Variants in BTN2A1 observed in about 807,000 individuals in gnomAD.
BTN2A1 encodes butyrophilin subfamily 2 member A1, also known as butyrophilin, subfamily 2, member A1.
A neutral mutation model predicts 34.5 loss-of-function variants in BTN2A1; 41 were observed. That is an observed-to-expected ratio of 1.19 (90% CI 0.93 to 1.54). The LOEUF is 1.54. Ranked by LOEUF, BTN2A1 falls within the 40% of genes most tolerant of loss-of-function variation. The pLI is 0.00. For missense variants in BTN2A1, 642 were observed against 662.0 expected (o/e 0.97, Z 0.33); for synonymous variants, 267 against 258.6 (o/e 1.03, Z -0.31).
Position 26,459,586 on chromosome 6 carries a change from A to G in BTN2A1, c.188A>G (p.Glu63Gly). ...LSPEKNAEDM[E>G]VRWFRSQFSP... is the part of the protein sequence containing the mutation. ...CCCGAGAAAAATGCTGAGGACATGG[A>G]GGTGCGGTGGTTCCGGTCTCAGTTC... Residue 63 changes from glutamate to glycine, a missense_variant, in exon 3 of 8, where the codon GAG (glutamate) becomes GGG (glycine). Glu to Gly is a moderately conservative substitution (Grantham distance 98). Transcript: ENST00000312541. 6.2e-7 allele frequency: 1 copy of G among 1,613,888 alleles called. No homozygotes were observed. The highest frequency in any genetic ancestry group is 2.2e-5 in the East Asian group (1 of 44,866).
rs763157667 is a variant in BTN2A1 at position 26,463,425 on chromosome 6, C to T, written c.612C>T (p.Thr204=). 14 of 1,613,988 alleles carry T rather than the reference C, an allele frequency of 8.7e-6. No homozygotes were observed. Among genetic ancestry groups the T allele is most frequent in the Admixed American group, 1.7e-5 (1 of 60,004 alleles). ...ATGCAGACGGCCTCTTCATGGTCAC[C>T]ACGGCTGTGATCATCAGAGACAAGT... is the stretch of plus-strand genomic sequence containing the variant. ...MPDADGLFMV[T]TAVIIRDKSV... is the part of the protein sequence containing the mutation. Residue 204 remains threonine (T), a synonymous_variant, in exon 4 of 8, where the codon ACC becomes ACT. Coordinates refer to ENST00000312541, the MANE Select transcript of BTN2A1 (RefSeq NM_007049.5).
In BTN2A1 at chr6:26,465,190, T is replaced by A. The variant is rs761919187; in HGVS notation, c.718T>A (p.Phe240Ile). 6.2e-7 allele frequency: 1 copy of A among 1,613,934 alleles called. No individual in the cohort carries two copies. Among genetic ancestry groups the A allele is most frequent in the Non-Finnish European group, 8.5e-7 (1 of 1,179,762 alleles). ...KESVIFIPES[F>I]MPSVSPCAVA... ...ATTTCTGGCTGCCTTTTCAGAATCCTTTATGCCCAGTGTGTCTCCCTGTGC... is the reference window on the plus strand; with the variant it reads ...ATTTCTGGCTGCCTTTTCAGAATCCATTATGCCCAGTGTGTCTCCCTGTGC... Residue 240 changes from phenylalanine to isoleucine, a missense_variant, in exon 5 of 8, where the codon TTT (phenylalanine) becomes ATT (isoleucine). By Grantham distance (21) the Phe-to-Ile change is conservative (BLOSUM62 0). Transcript: ENST00000312541.
At chr6:26,465,736 A>G (rs891101445) in intron 5 of BTN2A1, 2 of 814,762 alleles carry the variant, frequency 2.5e-6, no homozygotes, top group Non-Finnish European at 3.0e-6. Flanking sequence ...CTGGCTACAT[A>G]AAGTACTAAA....
intron 7 of BTN2A1, among the ~76,000 whole-genome samples, 196 bp downstream of exon 7, chr6:26,466,284 CCT>C (rs1195295090): frequency 3.3e-5 from 5 of 152,170 alleles, no homozygotes; most frequent in Non-Finnish European, 5.9e-5. Flanking sequence ...CTCAATCCAC[CCT>C]ATGGTTTACA....
At position 26,468,816 on chromosome 6, in the gene BTN2A1, GA is replaced by G; in HGVS notation, c.*270del. 6.4e-7 allele frequency: 1 copy of G among 1,560,276 alleles called. No homozygotes were observed. The highest frequency in any genetic ancestry group is 1.1e-5 in the South Asian group (1 of 89,468). On this transcript the variant is annotated 3_prime_UTR_variant, in exon 8 of 8. Transcript: ENST00000312541. ...TTGTTACACAGCTCCCAGCCAAGAA[GA>G]AAGTGTGAGAAGTTGATGGGCAGCA...
chr6:26,467,157 T>C (rs1012373312), intron 7 of BTN2A1, among the ~76,000 whole-genome samples: 1 of 152,222 alleles, frequency 6.6e-6, no homozygotes, highest in Non-Finnish European at 1.5e-5. Context: ...GAAGAGACCC[T>C]TTATCCTCCA....
chr6:26,469,939 G>A (rs1410145911), downstream of BTN2A1, among the ~76,000 whole-genome samples: 1 of 152,090 alleles, frequency 6.6e-6, no homozygotes, highest in Non-Finnish European at 1.5e-5. Flanking sequence ...TGCTTCAGGA[G>A]ACTAAAAAGA....
Position 26,465,169 on chromosome 6 carries a change from C to CA in BTN2A1, c.713-16_713-15insA. 1 of 1,608,010 alleles carries CA rather than the reference C, an allele frequency of 6.2e-7. No individual in the cohort carries two copies. The highest frequency in any genetic ancestry group is 2.2e-5 in the East Asian group (1 of 44,850). On this transcript the variant is annotated splice_polypyrimidine_tract_variant and intron_variant, in intron 4 of 7. Coordinates refer to ENST00000312541, the MANE Select transcript of BTN2A1 (RefSeq NM_007049.5). ...TCTGTTTCAAACTAAGTGGATATTT[C>CA]TGGCTGCCTTTTCAGAATCCTTTAT...
At chr6:26,471,677 A>G (rs556101128), downstream of BTN2A1, among the ~76,000 whole-genome samples, 1 of 152,312 alleles carries the variant, frequency 6.6e-6, no homozygotes, top group African/African-American at 2.4e-5. Context: ...GAAGGAAGGA[A>G]GGAAGGAAGG....
intron 7 of BTN2A1, chr6:26,467,719 A>C (rs772395129): frequency 6.3e-7 from 1 of 1,591,340 alleles, no homozygotes; most frequent in South Asian, 1.1e-5. Flanking sequence ...GATTTCTTAG[A>C]GCTCCAATTC....
Position 26,459,653 on chromosome 6 carries a change from AGAG to A in BTN2A1, c.259_261del (p.Glu87del). 1 of 1,614,170 alleles carries A rather than the reference AGAG, an allele frequency of 6.2e-7. No homozygotes were observed. Among genetic ancestry groups the A allele is most frequent in the Non-Finnish European group, 8.5e-7 (1 of 1,180,016 alleles). ...TGTATAAAGGTGGCAGAGAGAGAAC[AGAG>A]GAGCAGATGGAGGAGTACCGAGGAA... is the stretch of plus-strand genomic sequence containing the variant. On this transcript the variant is annotated inframe_deletion, in exon 3 of 8. Transcript: ENST00000312541.
At position 26,469,330 on chromosome 6, in the gene BTN2A1, A is replaced by G. The variant is rs1463324686; in HGVS notation, c.*781A>G. 6 of 986,392 alleles carry G rather than the reference A, an allele frequency of 6.1e-6. No individual in the cohort carries two copies. In the African/African-American group the frequency reaches 1.0e-4, roughly 17 times the overall value. 61.1% of individuals were successfully genotyped at this position (986,392 alleles called of 1,614,324 possible). A position where few individuals can be genotyped will look rare whatever the true frequency, so the allele number is the denominator to read the frequency against. Reference sequence around the variant, plus strand: ...CTCAGTATTCAAGTTCAGTGGGGACACCAGTGGCTTCAAACTTCCTGGTTT... The same window carrying G: ...CTCAGTATTCAAGTTCAGTGGGGACGCCAGTGGCTTCAAACTTCCTGGTTT... On this transcript the variant is annotated 3_prime_UTR_variant, in exon 8 of 8. Transcript: ENST00000312541.
At chr6:26,462,807 A>G (rs1208453381) in intron 3 of BTN2A1, 1 of 1,286,936 alleles carries the variant, frequency 7.8e-7, no homozygotes, top group South Asian at 1.2e-5. Flanking sequence ...AGCTTCTGGA[A>G]GCTGAGGTCT....
downstream of BTN2A1, among the ~76,000 whole-genome samples, chr6:26,470,288 A>G (rs1763425268): frequency 6.6e-6 from 1 of 152,174 alleles, no homozygotes; most frequent in Non-Finnish European, 1.5e-5. Flanking sequence ...TGGAGGTTGC[A>G]GTGAGCCAAG....
rs1763536908 is a variant in BTN2A1 at position 26,476,266 on chromosome 6, ACTGCT to A, written c.*135_*139del. The A allele has an allele frequency of 3.1e-6, 4 of 1,270,874 alleles. No individual in the cohort carries two copies. The Admixed American group carries it at 7.9e-5, about 25-fold the overall frequency. 78.7% of individuals were successfully genotyped at this position (1,270,874 alleles called of 1,614,324 possible). On this transcript the variant is annotated 3_prime_UTR_variant, in exon 8 of 8. Coordinates refer to the BTN2A1 transcript ENST00000469185. ...ACCAGAGCACTCCAAGTTGGAAAGA[ACTGCT>A]GAGCGGGTCTGTAGAGCCCATCGCT... is the stretch of plus-strand genomic sequence containing the variant.
At position 26,458,501 on chromosome 6, in the gene BTN2A1, C is replaced by G. The variant is rs1408420301; in HGVS notation, c.-30-106C>G. On this transcript the variant is annotated intron_variant, in intron 1 of 7. Transcript: ENST00000312541. Reference sequence around the variant, plus strand: ...TGAGCCTTCGGATGCAGGGGACTCCCTGAAGTTGGGGCACTGATGAGACCT... The same window carrying G: ...TGAGCCTTCGGATGCAGGGGACTCCGTGAAGTTGGGGCACTGATGAGACCT... The G allele has an allele frequency of 4.6e-6, 4 of 872,656 alleles. No homozygotes were observed. The African/African-American group carries it at 6.6e-5, about 14-fold the overall frequency. 54.1% of individuals were successfully genotyped at this position (872,656 alleles called of 1,614,324 possible). A position where few individuals can be genotyped will look rare whatever the true frequency, so the allele number is the denominator to read the frequency against.
rs1763405878 is a variant in BTN2A1, at chr6:26,469,192, G to C, written c.*643G>C. On this transcript the variant is annotated 3_prime_UTR_variant, in exon 8 of 8. Transcript: ENST00000312541. The stretch of plus-strand genomic sequence containing the variant: ...TGAATGAAGAACATGGATGCACGTG[G>C]ATGTAGTTTGGCTCAGGTGTCCCTG... The C allele has an allele frequency of 9.6e-7, 1 of 1,044,912 alleles. No individual in the cohort carries two copies. The highest frequency in any genetic ancestry group is 1.7e-5 in the African/African-American group (1 of 59,284). 64.7% of individuals were successfully genotyped at this position (1,044,912 alleles called of 1,614,324 possible).
At chr6:26,465,703 C>A in intron 5 of BTN2A1, 1 of 572,076 alleles carries the variant, frequency 1.7e-6, no homozygotes, top group Non-Finnish European at 2.2e-6. Context: ...TTCTTTCACT[C>A]TGCCCACCTT....
chr6:26,464,561 A>C (rs6916321), intron 4 of BTN2A1, among the ~76,000 whole-genome samples: 1 of 151,968 alleles, frequency 6.6e-6, no homozygotes, highest in Non-Finnish European at 1.5e-5. Flanking sequence ...TAAGGACTGA[A>C]CAACCCAGCT....
Sources: allele counts gnomAD v4.1 joint callset (sites outside exome capture counted in the v4.1 genomes callset), GRCh38; gene constraint gnomAD v4.1.1; transcripts MANE v1.5; gene names NCBI Gene and HGNC (gene_info 2026-07-23, HGNC 2026-07-21).